The following FERMT2 variants were observed in gnomAD, a reference collection of about 807,000 sequenced individuals.
The protein encoded by FERMT2 is FERM domain containing kindlin 2, also known as fermitin family homolog 2.
FERMT2 carries 15 observed loss-of-function variants against 82.7 expected under a neutral mutation model. The ratio of observed to expected loss-of-function variants is 0.18; its 90% CI spans 0.12 to 0.28. The LOEUF (loss-of-function observed/expected upper bound fraction) is 0.28. Ranked by LOEUF, FERMT2 falls within the 10% of genes least tolerant of loss-of-function variation. The pLI, the probability that FERMT2 is intolerant of heterozygous loss-of-function variation, is 1.00. For missense variants in FERMT2, 645 were observed against 809.4 expected (o/e 0.80, Z 2.46); for synonymous variants, 274 against 271.5 (o/e 1.01, Z -0.09).
At chr14:52,939,388 AAAC>A (rs1158637469) in intron 2 of FERMT2, among the ~76,000 whole-genome samples, 1 of 151,354 alleles carries the variant, frequency 6.6e-6, no homozygotes, top group African/African-American at 2.4e-5. Flanking sequence ...AAAAAAAAAA[AAAC>A]AAAGAACTAT....
At chr14:52,880,446 C>T (rs868160187) in intron 6 of FERMT2, among the ~76,000 whole-genome samples, 6 of 152,012 alleles carry the variant, frequency 3.9e-5, no homozygotes, top group African/African-American at 1.5e-4. Flanking sequence ...TTGCCCAGGC[C>T]GGAATGCAGT....
At chr14:52,934,840 T>A (rs953474572) in intron 2 of FERMT2, among the ~76,000 whole-genome samples, 4 of 152,252 alleles carry the variant, frequency 2.6e-5, no homozygotes, top group East Asian at 1.9e-4. Flanking sequence ...TCCATTTTTT[T>A]AAAACATCAT....
chr14:52,889,095 G>A (rs1886779145), intron 4 of FERMT2, among the ~76,000 whole-genome samples: 1 of 152,148 alleles, frequency 6.6e-6, no homozygotes, highest in Non-Finnish European at 1.5e-5. Context: ...TTAGCTCCCA[G>A]GCAAGTGATT....
chr14:52,875,949 G>C (rs1216854941), intron 7 of FERMT2, among the ~76,000 whole-genome samples: 1 of 152,188 alleles, frequency 6.6e-6, no homozygotes, highest in East Asian at 1.9e-4. Flanking sequence ...GGGGCAGAGA[G>C]AGAGTAGTGA....
At chr14:52,930,306 T>G (rs1889502428) in intron 2 of FERMT2, among the ~76,000 whole-genome samples, 1 of 152,176 alleles carries the variant, frequency 6.6e-6, no homozygotes, top group Admixed American at 6.5e-5. Context: ...GTTCTAAAAG[T>G]CCACTTGTAA....
chr14:52,864,796 A>C lies in FERMT2; in HGVS notation c.1331T>G (p.Leu444Arg). Residue 444 changes from leucine (L) to arginine (R), a missense_variant, in exon 11 of 15, where the codon CTG (leucine) becomes CGG (arginine). Transcript: ENST00000341590. Reference protein sequence around the residue: ...ISGQKFNIKLLIPVAEGMNEI... With the variant: ...ISGQKFNIKLRIPVAEGMNEI... The stretch of plus-strand genomic sequence containing the variant: ...ATTCATGCCTTCTGCAACTGGAATC[A>C]GGAGTTTAATGTTAAATTTTTGGCC... The C allele has an allele frequency of 6.2e-7, 1 of 1,612,648 alleles. No individual in the cohort carries two copies. The highest frequency in any genetic ancestry group is 8.5e-7 in the Non-Finnish European group (1 of 1,178,660).
intron 3 of FERMT2, among the ~76,000 whole-genome samples, chr14:52,913,658 T>C (rs936261812): frequency 2.3e-5 from 3 of 131,296 alleles, no homozygotes; most frequent in African/African-American, 8.8e-5. Flanking sequence ...GAGCCAGAAG[T>C]TCAATGCCAT....
At chr14:52,874,011 A>G (rs569288213) in intron 9 of FERMT2, among the ~76,000 whole-genome samples, 166 bp downstream of exon 9, 3 of 151,896 alleles carry the variant, frequency 2.0e-5, no homozygotes, top group African/African-American at 7.2e-5. Context: ...TTAATTTTGT[A>G]AAAGTGGTTA....
At chr14:52,861,127 G>C in intron 12 of FERMT2, 1 of 1,196,840 alleles carries the variant, frequency 8.4e-7, no homozygotes, top group African/African-American at 1.6e-5. Context: ...AAAAGTTGCG[G>C]TCACCTGCAA....
At chr14:52,919,546 A>G (rs1430754251) in intron 2 of FERMT2, among the ~76,000 whole-genome samples, 190 bp from the exon 3 acceptor site, 1 of 152,222 alleles carries the variant, frequency 6.6e-6, no homozygotes, top group Non-Finnish European at 1.5e-5. Flanking sequence ...CCAGTACACA[A>G]GGCAGCTGAG....
chr14:52,939,482 A>G (rs893044219), intron 2 of FERMT2, among the ~76,000 whole-genome samples: 1 of 152,220 alleles, frequency 6.6e-6, no homozygotes, highest in East Asian at 1.9e-4. Flanking sequence ...GAAAATCTAC[A>G]AACACTAAAA....
At chr14:52,946,300 T>C (rs1566766418) in intron 2 of FERMT2, among the ~76,000 whole-genome samples, 1 of 152,116 alleles carries the variant, frequency 6.6e-6, no homozygotes, top group African/African-American at 2.4e-5. Flanking sequence ...ATCCCTGATA[T>C]TTCATATTTA....
chr14:52,921,471 T>TAC (rs965095751), intron 2 of FERMT2, among the ~76,000 whole-genome samples: 29 of 152,216 alleles, frequency 1.9e-4, no homozygotes, highest in African/African-American at 6.8e-4. Flanking sequence ...TATAGTACCC[T>TAC]ACACCCTACT....
intron 2 of FERMT2, among the ~76,000 whole-genome samples, chr14:52,933,465 T>G (rs1016727401): frequency 6.6e-6 from 1 of 151,942 alleles, no homozygotes; most frequent in African/African-American, 2.4e-5. Flanking sequence ...TCCCAGCACT[T>G]TGGGAGGCTG....
At chr14:52,917,468 C>T (rs1392275396) in intron 3 of FERMT2, among the ~76,000 whole-genome samples, 2 of 151,910 alleles carry the variant, frequency 1.3e-5, no homozygotes, top group Non-Finnish European at 2.9e-5. Context: ...TTATTAATTC[C>T]AGATAATGGG....
At position 52,878,624 on chromosome 14, in the gene FERMT2, A is replaced by AATC; in HGVS notation, c.918_920dup (p.Glu306_Ile307insMet). 1 of 1,611,024 alleles carries AATC rather than the reference A, an allele frequency of 6.2e-7. No homozygotes were observed. Among genetic ancestry groups the AATC allele is most frequent in the Non-Finnish European group, 8.5e-7 (1 of 1,178,596 alleles). The stretch of plus-strand genomic sequence containing the variant: ...TCATCATTTCTTCTTCTGTGCATTC[A>AATC]ATCTCTTCCAGGAGAATGGCCCATT... On this transcript the variant is annotated inframe_insertion, in exon 7 of 15. Transcript: ENST00000341590.
chr14:52,885,312 CAAAAAA>C (rs1181582996), intron 4 of FERMT2, among the ~76,000 whole-genome samples: 46 of 61,078 alleles, frequency 7.5e-4, no homozygotes, highest in African/African-American at 2.4e-3. Context: ...GACTTAGTCT[CAAAAAA>C]AAAAAAAAAA....
At chr14:52,911,364 G>A (rs1888299643) in intron 3 of FERMT2, among the ~76,000 whole-genome samples, 1 of 151,942 alleles carries the variant, frequency 6.6e-6, no homozygotes, top group South Asian at 2.1e-4. Flanking sequence ...ACAAAAGCAG[G>A]CTGTGGGCTG....
intron 2 of FERMT2, among the ~76,000 whole-genome samples, chr14:52,925,617 T>G (rs1183072747): frequency 6.6e-6 from 1 of 151,070 alleles, no homozygotes; most frequent in Non-Finnish European, 1.5e-5. Context: ...GGTGTGTGTG[T>G]GAGGTAGTTT....
Sources: gnomAD v4.1 joint callset for allele counts (sites outside exome capture counted in the v4.1 genomes callset) on GRCh38, gnomAD v4.1.1 for gene constraint, MANE v1.5 for transcripts, NCBI Gene and HGNC (gene_info 2026-07-23, HGNC 2026-07-21) for gene names.